HLCS: variants seen among roughly 807,000 people sequenced by gnomAD.
The protein encoded by HLCS is holocarboxylase synthetase.
HLCS carries 53 observed loss-of-function variants against 75.0 expected under a neutral mutation model. The observed-to-expected ratio is 0.71, with a 90% confidence interval of 0.57 to 0.89. HLCS has a LOEUF of 0.89. Among genes scored for constraint, HLCS ranks in the 40% least tolerant of loss-of-function variants. The pLI, the probability that HLCS is intolerant of heterozygous loss-of-function variation, is 0.00. For missense variants in HLCS, 966 were observed against 1,074.0 expected (o/e 0.90, Z 1.41); for synonymous variants, 431 against 428.6 (o/e 1.01, Z -0.07).
intron 6 of HLCS, among the ~76,000 whole-genome samples, chr21:36,784,387 C>T (rs997406090): frequency 7.3e-5 from 11 of 150,650 alleles, no homozygotes; most frequent in Admixed American, 2.6e-4. Context: ...ACTATCTCAG[C>T]TCACTGAACC....
intron 6 of HLCS, among the ~76,000 whole-genome samples, chr21:36,876,678 C>T (rs1326246397): frequency 6.6e-6 from 1 of 152,192 alleles, no homozygotes; most frequent in Non-Finnish European, 1.5e-5. Context: ...AGCACATAGT[C>T]TACCTTGGTG....
At chr21:36,820,241 G>A (rs1474639954) in intron 6 of HLCS, among the ~76,000 whole-genome samples, 1 of 152,246 alleles carries the variant, frequency 6.6e-6, no homozygotes, top group Non-Finnish European at 1.5e-5. Context: ...TGCAGCGGAG[G>A]AGGCATGGTT....
intron 6 of HLCS, among the ~76,000 whole-genome samples, chr21:36,888,269 G>GTTGAGTC (rs1192269564): frequency 6.6e-6 from 1 of 151,532 alleles, no homozygotes; most frequent in Non-Finnish European, 1.5e-5. Context: ...TAGCAGCACA[G>GTTGAGTC]ACCCAGAAGG....
chr21:36,827,505 TGGAGGTTGC>T (rs2062046185), intron 6 of HLCS, among the ~76,000 whole-genome samples: 1 of 142,164 alleles, frequency 7.0e-6, no homozygotes, highest in South Asian at 2.2e-4. Context: ...ACCTGGGAGG[TGGAGGTTGC>T]AGTGAACCAA....
chr21:36,977,541 G>A (rs921165927), intron 1 of HLCS, among the ~76,000 whole-genome samples: 41 of 152,184 alleles, frequency 2.7e-4, no homozygotes, highest in Admixed American at 2.7e-3. Flanking sequence ...TCAAATAAAT[G>A]AATGTGGAAA....
At chr21:36,815,837 C>T (rs577763218) in intron 6 of HLCS, among the ~76,000 whole-genome samples, 5 of 152,212 alleles carry the variant, frequency 3.3e-5, no homozygotes, top group South Asian at 2.1e-4. Context: ...AGATTTTTAC[C>T]GGTTCCTGGA....
At chr21:36,841,775 C>G (rs1054590406) in intron 6 of HLCS, among the ~76,000 whole-genome samples, 1 of 152,222 alleles carries the variant, frequency 6.6e-6, no homozygotes, top group Non-Finnish European at 1.5e-5. Context: ...ACTGGCTGGG[C>G]TCTGTTCTGC....
chr21:36,977,636 C>T (rs1306625817), intron 1 of HLCS, among the ~76,000 whole-genome samples: 1 of 152,180 alleles, frequency 6.6e-6, no homozygotes, highest in East Asian at 1.9e-4. Context: ...GTGTGAGTTG[C>T]CGTTTGTGTA....
intron 9 of HLCS, 61 bp downstream of exon 9, chr21:36,759,666 G>T: frequency 1.0e-6 from 1 of 983,558 alleles, no homozygotes; most frequent in Non-Finnish European, 1.6e-6. Context: ...TGCATAAACC[G>T]TCTTTATTTT....
intron 6 of HLCS, among the ~76,000 whole-genome samples, chr21:36,778,143 G>A (rs2060418793): frequency 6.6e-6 from 1 of 151,748 alleles, no homozygotes; most frequent in African/African-American, 2.4e-5. Flanking sequence ...TAATTTTTTT[G>A]TATTTTTAGT....
chr21:36,899,040 G>A (rs1569164345), intron 5 of HLCS, among the ~76,000 whole-genome samples: 1 of 152,040 alleles, frequency 6.6e-6, no homozygotes, highest in Non-Finnish European at 1.5e-5. Context: ...CAGCCTGAGT[G>A]ACAGAACCAA....
intron 6 of HLCS, among the ~76,000 whole-genome samples, chr21:36,876,930 T>C (rs1195031582): frequency 6.6e-6 from 1 of 152,246 alleles, no homozygotes; most frequent in African/African-American, 2.4e-5. Flanking sequence ...TAAAGCTCTG[T>C]TATTAGGTAA....
chr21:36,922,592 C>T (rs1289600944), intron 5 of HLCS, among the ~76,000 whole-genome samples: 1 of 152,196 alleles, frequency 6.6e-6, no homozygotes, highest in Admixed American at 6.5e-5. Context: ...GAGAAAGTGC[C>T]TGAGGGACCG....
In HLCS at chr21:36,975,403, T is replaced by C. The variant is rs527483549; in HGVS notation, c.-392-13233A>G. ...ACTAGCACGACAGCCTGCTGGATGA[T>C]TCCCGGTGCCCGTCCCCTGTTTCCC... On this transcript the variant is annotated intron_variant, in intron 1 of 11. Coordinates refer to the HLCS transcript ENST00000336648. Among the ~76,000 whole-genome samples the C allele has an allele frequency of 1.8e-4, 28 of 152,208 alleles. No homozygotes were observed. In the East Asian group the frequency reaches 5.2e-3, roughly 28 times the overall value.
At chr21:36,811,884 CACTT>C (rs2061521453) in intron 6 of HLCS, among the ~76,000 whole-genome samples, 1 of 152,170 alleles carries the variant, frequency 6.6e-6, no homozygotes, top group Admixed American at 6.5e-5. Flanking sequence ...ACCAGCCACT[CACTT>C]GCTGAAGGAT....
chr21:36,963,710 C>T (rs1471106368), intron 1 of HLCS, among the ~76,000 whole-genome samples: 1 of 152,130 alleles, frequency 6.6e-6, no homozygotes, highest in African/African-American at 2.4e-5. Flanking sequence ...CGAGATCGTG[C>T]CATTGCACTC....
intron 5 of HLCS, among the ~76,000 whole-genome samples, chr21:36,904,088 T>C (rs924958025): frequency 1.3e-5 from 2 of 152,128 alleles, no homozygotes; most frequent in African/African-American, 4.8e-5. Flanking sequence ...TAAATAAACG[T>C]CTATTCTTTC....
At chr21:36,778,723 A>G (rs749327945) in intron 6 of HLCS, among the ~76,000 whole-genome samples, 3 of 152,178 alleles carry the variant, frequency 2.0e-5, no homozygotes, top group Admixed American at 1.3e-4. Context: ...TATTTATATC[A>G]GAGTAGACTT....
At chr21:36,786,895 C>T (rs2060702465) in intron 6 of HLCS, among the ~76,000 whole-genome samples, 1 of 152,176 alleles carries the variant, frequency 6.6e-6, no homozygotes, top group Non-Finnish European at 1.5e-5. Flanking sequence ...GGCCTTGGGC[C>T]TCTTAAGGAG....
Sources: gnomAD v4.1 joint callset for allele counts (sites outside exome capture counted in the v4.1 genomes callset) on GRCh38, gnomAD v4.1.1 for gene constraint, MANE v1.5 for transcripts, NCBI Gene and HGNC (gene_info 2026-07-23, HGNC 2026-07-21) for gene names.